BMPR1B: variants seen among roughly 807,000 people sequenced by gnomAD.
BMPR1B encodes bone morphogenetic protein receptor type-1B.
In BMPR1B, 12 loss-of-function variants were observed where a neutral mutation model predicts 59.1. The ratio of observed to expected loss-of-function variants is 0.20; its 90% CI spans 0.13 to 0.33. The LOEUF is 0.33. Among genes scored for constraint, BMPR1B ranks in the 10% least tolerant of loss-of-function variants. BMPR1B has a pLI of 1.00. For missense variants in BMPR1B, 550 were observed against 610.9 expected, an observed-to-expected ratio of 0.90 and a Z score of 1.05; for synonymous variants, 237 against 207.3, an observed-to-expected ratio of 1.14 and a Z score of -1.23.
intron 2 of BMPR1B, among the ~76,000 whole-genome samples, chr4:94,920,524 C>T (rs906009529): frequency 2.6e-5 from 4 of 152,116 alleles, no homozygotes; most frequent in African/African-American, 4.8e-5. Context: ...CCAAGGCCTC[C>T]CACTAATTGT....
intron 1 of BMPR1B, among the ~76,000 whole-genome samples, chr4:94,813,138 A>G (rs1201336936): frequency 3.3e-5 from 5 of 152,174 alleles, no homozygotes; most frequent in Admixed American, 6.5e-5. Flanking sequence ...AAGACAAATT[A>G]CAAAACCACT....
chr4:94,987,470 T>C lies in BMPR1B; in HGVS notation c.-112-8570T>C, dbSNP rs577999663. On this transcript the variant is annotated intron_variant, in intron 2 of 12. Transcript: ENST00000515059. ...TTCTGAGCTACTGCCATATAATTAA[T>C]GAACAGTGAAAGTCAGTTTAAACTT... is the stretch of plus-strand genomic sequence containing the variant. Among the ~76,000 whole-genome samples the C allele has an allele frequency of 2.5e-3, 381 of 152,106 alleles. 3 individuals are homozygous for C. Among genetic ancestry groups the C allele is most frequent in the African/African-American group, 8.8e-3 (365 of 41,518 alleles).
intron 1 of BMPR1B, among the ~76,000 whole-genome samples, chr4:94,770,993 T>G (rs189138922): frequency 2.0e-5 from 3 of 152,054 alleles, no homozygotes; most frequent in Non-Finnish European, 4.4e-5. Flanking sequence ...CCTTAGAAAT[T>G]TGTCAAATTG....
At chr4:95,140,303 G>C (rs1041909496) in intron 10 of BMPR1B, among the ~76,000 whole-genome samples, 2 of 152,118 alleles carry the variant, frequency 1.3e-5, no homozygotes, top group Admixed American at 1.3e-4. Flanking sequence ...ATGGAACACA[G>C]GATGAAGGAA....
chr4:95,042,359 T>A (rs1725718623), intron 3 of BMPR1B, among the ~76,000 whole-genome samples: 1 of 152,004 alleles, frequency 6.6e-6, no homozygotes, highest in Admixed American at 6.6e-5. Context: ...ATTGTAAGAG[T>A]CGCTGACACA....
intron 1 of BMPR1B, among the ~76,000 whole-genome samples, chr4:94,819,704 T>G (rs571117508): frequency 6.6e-6 from 1 of 152,200 alleles, no homozygotes; most frequent in Non-Finnish European, 1.5e-5. Context: ...ATCTGAACAC[T>G]CTTGAGATTT....
chr4:95,141,744 A>G (rs1213810264), intron 10 of BMPR1B, among the ~76,000 whole-genome samples: 2 of 152,178 alleles, frequency 1.3e-5, no homozygotes. Flanking sequence ...TCAGAGTCAG[A>G]ACAAAATATT....
intron 10 of BMPR1B, among the ~76,000 whole-genome samples, chr4:95,142,035 C>T (rs2149317437): frequency 6.6e-6 from 1 of 152,312 alleles, no homozygotes; most frequent in African/African-American, 2.4e-5. Context: ...GCATAGTGAA[C>T]ACTCCCAGTC....
At chr4:94,907,840 T>G (rs1728106763) in intron 2 of BMPR1B, among the ~76,000 whole-genome samples, 1 of 151,044 alleles carries the variant, frequency 6.6e-6, no homozygotes, top group Non-Finnish European at 1.5e-5. Flanking sequence ...TTCTATCTAG[T>G]AGTAAAATGA....
At chr4:95,007,479 A>G (rs544044405) in intron 3 of BMPR1B, among the ~76,000 whole-genome samples, 4 of 152,296 alleles carry the variant, frequency 2.6e-5, no homozygotes, top group East Asian at 1.9e-4. Flanking sequence ...AAGATTTGGC[A>G]TAGGAGAAAT....
At chr4:95,051,800 G>C (rs895692917) in intron 3 of BMPR1B, 1 of 1,530,830 alleles carries the variant, frequency 6.5e-7, no homozygotes, top group South Asian at 1.2e-5. Context: ...CTCCACTACA[G>C]TGCTGATGGG....
intron 2 of BMPR1B, among the ~76,000 whole-genome samples, chr4:94,934,935 C>T (rs1009443711): frequency 1.3e-5 from 2 of 151,996 alleles, no homozygotes; most frequent in Non-Finnish European, 2.9e-5. Context: ...CCAATTATTA[C>T]AGAATACAAG....
At chr4:94,885,602 C>T (rs1238343232) in intron 2 of BMPR1B, among the ~76,000 whole-genome samples, 2 of 151,976 alleles carry the variant, frequency 1.3e-5, no homozygotes, top group Admixed American at 6.6e-5. Context: ...TGCCTGACCA[C>T]TTTGTGGTTT....
intron 1 of BMPR1B, among the ~76,000 whole-genome samples, chr4:94,871,421 C>A (rs1726493554): frequency 6.6e-6 from 1 of 152,092 alleles, no homozygotes; most frequent in Non-Finnish European, 1.5e-5. Context: ...TATTTTACAC[C>A]TTCAAGATTG....
intron 2 of BMPR1B, among the ~76,000 whole-genome samples, chr4:94,877,697 C>G (rs1418935941): frequency 6.6e-6 from 1 of 152,038 alleles, no homozygotes; most frequent in African/African-American, 2.4e-5. Flanking sequence ...AGTTTTTAAA[C>G]TATAAGAAAG....
intron 2 of BMPR1B, among the ~76,000 whole-genome samples, chr4:94,911,949 C>T (rs1315802744): frequency 3.9e-5 from 6 of 152,042 alleles, no homozygotes; most frequent in African/African-American, 1.2e-4. Context: ...AAGATATACC[C>T]GAGACTGGGC....
At chr4:94,881,087 T>C (rs757168978) in intron 2 of BMPR1B, among the ~76,000 whole-genome samples, 3 of 152,212 alleles carry the variant, frequency 2.0e-5, no homozygotes, top group Non-Finnish European at 4.4e-5. Context: ...TTAACCATTT[T>C]CAAGTATGTG....
intron 1 of BMPR1B, among the ~76,000 whole-genome samples, chr4:94,794,746 A>G (rs373316198): frequency 1.3e-5 from 2 of 151,924 alleles, no homozygotes; most frequent in Non-Finnish European, 2.9e-5. Flanking sequence ...TCCCTTGTAA[A>G]TTGGATTCCT....
intron 3 of BMPR1B, among the ~76,000 whole-genome samples, chr4:95,039,872 C>G (rs1725530031): frequency 6.6e-6 from 1 of 152,132 alleles, no homozygotes; most frequent in African/African-American, 2.4e-5. Flanking sequence ...ATTGGACACC[C>G]CTGGTAGCAT....
Sources: gnomAD v4.1 joint callset for allele counts (sites outside exome capture counted in the v4.1 genomes callset) on GRCh38, gnomAD v4.1.1 for gene constraint, MANE v1.5 for transcripts, NCBI Gene and HGNC (gene_info 2026-07-23, HGNC 2026-07-21) for gene names.